NIBAN2: variants seen among roughly 807,000 people sequenced by gnomAD.
The protein encoded by NIBAN2 is niban apoptosis regulator 2.
A neutral mutation model predicts 81.8 loss-of-function variants in NIBAN2; 36 were observed. That is an observed-to-expected ratio of 0.44 (90% CI 0.34 to 0.58). NIBAN2 has a LOEUF of 0.58. Ranked by LOEUF, NIBAN2 falls within the 20% of genes least tolerant of loss-of-function variation. The pLI is 0.02. For missense variants in NIBAN2, 897 were observed against 1,014.1 expected (o/e 0.88, Z 1.57); for synonymous variants, 445 against 441.6 (o/e 1.01, Z -0.10).
chr9:127,531,565 G>C (rs896815975), intron 2 of NIBAN2, 83 bp downstream of exon 2: 4 of 1,385,310 alleles, frequency 2.9e-6, no homozygotes, highest in Non-Finnish European at 2.0e-6. Context: ...GGGAAACTGA[G>C]GCCCAGAAAA....
chr9:127,560,671 T>C lies in NIBAN2; in HGVS notation c.55+8149A>G, dbSNP rs559885376. On this transcript the variant is annotated intron_variant, in intron 1 of 13. Transcript: ENST00000373312. ...GCACACACAGGCAGACACCATGTGA[T>C]TGTGTAGCTGCGTGTCCCTGGTGCC... 9.9e-5 allele frequency among the ~76,000 whole-genome samples: 15 copies of C among 152,258 alleles called. No homozygotes were observed. In the South Asian group the frequency reaches 3.1e-3, roughly 32 times the overall value.
At position 127,568,833 on chromosome 9, in the gene NIBAN2, G is replaced by A. The variant is rs934889308; in HGVS notation, c.42C>T (p.Arg14=). ...CGCGACCCTCACCTGCGATGTGCTG[G>A]CGCCGGGCGTCGTCCAGGTGCGTGG... ...VLSTHLDDAR[R]QHIAEKTGKI... is the part of the protein sequence containing the mutation. Residue 14 remains arginine, a synonymous_variant, in exon 1 of 14, where the codon CGC becomes CGT. Transcript: ENST00000373312. 2 of 1,369,528 alleles carry A rather than the reference G, an allele frequency of 1.5e-6. No homozygotes were observed. Among genetic ancestry groups the A allele is most frequent in the Non-Finnish European group, 1.9e-6 (2 of 1,056,430 alleles). The allele number at this position is 1,369,528 out of a possible 1,614,324, so 84.8% of individuals were successfully genotyped here. A position where few individuals can be genotyped will look rare whatever the true frequency, so the allele number is the denominator to read the frequency against.
intron 1 of NIBAN2, among the ~76,000 whole-genome samples, chr9:127,532,202 G>A (rs1837197179): frequency 6.6e-6 from 1 of 152,178 alleles, no homozygotes; most frequent in African/African-American, 2.4e-5. Context: ...AGAACGATTC[G>A]CAGGACACAA....
At chr9:127,527,551 G>A (rs1422056534) in intron 2 of NIBAN2, among the ~76,000 whole-genome samples, 1 of 152,228 alleles carries the variant, frequency 6.6e-6, no homozygotes, top group Non-Finnish European at 1.5e-5. Flanking sequence ...CCAGCATCCA[G>A]GCAGGGTGGT....
intron 1 of NIBAN2, among the ~76,000 whole-genome samples, chr9:127,539,646 C>T (rs116440382): frequency 1.7e-3 from 264 of 152,296 alleles, no homozygotes; most frequent in African/African-American, 5.5e-3. Context: ...AAAATCTCAA[C>T]GACAATCTAA....
rs1283805150 is a variant in NIBAN2 at position 127,563,457 on chromosome 9, C to G, written c.55+5363G>C. ...AGCCACACAGCAGGGTGAGGGGTGG[C>G]AGAAGGTGGAACCCCTCCATCCCTT... On this transcript the variant is annotated intron_variant, in intron 1 of 13. Coordinates refer to ENST00000373312, the MANE Select transcript of NIBAN2 (RefSeq NM_022833.4). This position sits in a 1 kb window ranked among gnomAD's most constrained non-coding sequence, Gnocchi z 4.1. Among the ~76,000 whole-genome samples, 4 of 152,142 alleles carry G rather than the reference C, an allele frequency of 2.6e-5. No homozygotes were observed. Among genetic ancestry groups the G allele is most frequent in the Non-Finnish European group, 4.4e-5 (3 of 68,036 alleles).
Position 127,525,183 on chromosome 9 carries a change from G to A in NIBAN2, c.316-20C>T, listed in dbSNP as rs1223567296. ...ATAGGCCTGAGGGAGGCAAGAGAGA[G>A]GGTCCCTGAGGGTTAAGGTGCGGCC... On this transcript the variant is annotated intron_variant, in intron 3 of 13. Transcript: ENST00000373312. 1 of 1,595,484 alleles carries A rather than the reference G, an allele frequency of 6.3e-7. No individual in the cohort carries two copies. Among genetic ancestry groups the A allele is most frequent in the East Asian group, 2.2e-5 (1 of 44,800 alleles).
intron 2 of NIBAN2, among the ~76,000 whole-genome samples, chr9:127,528,496 G>A (rs181683151): frequency 1.1e-3 from 165 of 152,180 alleles, no homozygotes; most frequent in African/African-American, 3.9e-3. Flanking sequence ...CTGGCTCTGC[G>A]CTGGCCCATC....
chr9:127,525,176 A>G lies in NIBAN2; in HGVS notation c.316-13T>C. On this transcript the variant is annotated splice_polypyrimidine_tract_variant and intron_variant, in intron 3 of 13. Coordinates refer to ENST00000373312, the MANE Select transcript of NIBAN2 (RefSeq NM_022833.4). The stretch of plus-strand genomic sequence containing the variant: ...GCCGCTCATAGGCCTGAGGGAGGCA[A>G]GAGAGAGGGTCCCTGAGGGTTAAGG... 6.2e-7 allele frequency: 1 copy of G among 1,606,910 alleles called. No individual in the cohort carries two copies. Among genetic ancestry groups the G allele is most frequent in the Non-Finnish European group, 8.5e-7 (1 of 1,173,594 alleles).
rs776632695 is a variant in NIBAN2, at chr9:127,527,235, C to T, written c.274G>A (p.Val92Met). ...AGCACCAGCCCGTAGTTGTGGGGCA[C>T]GAGGCTGAAGCGGTTTCTCCACTTC... is the stretch of plus-strand genomic sequence containing the variant. ...SKKWRNRFSL[V>M]PHNYGLVLYE... Residue 92 changes from valine to methionine, a missense_variant, in exon 3 of 14, where the codon GTG (valine) becomes ATG (methionine). Physicochemically the swap from Val to Met is conservative, Grantham distance 21. Transcript: ENST00000373312. 3.1e-6 allele frequency: 5 copies of T among 1,613,896 alleles called. No homozygotes were observed. Among genetic ancestry groups the T allele is most frequent in the Non-Finnish European group, 4.2e-6 (5 of 1,179,996 alleles).
Position 127,506,085 on chromosome 9 carries a change from G to C in NIBAN2, c.*760C>G, listed in dbSNP as rs1264245212. 1 of 152,722 alleles carries C rather than the reference G, an allele frequency of 6.5e-6. No homozygotes were observed. The highest frequency in any genetic ancestry group is 2.4e-5 in the African/African-American group (1 of 41,382). The allele number at this position is 152,722 out of a possible 1,614,324, so 9.5% of individuals were successfully genotyped here. On this transcript the variant is annotated 3_prime_UTR_variant, in exon 14 of 14. Transcript: ENST00000373312. ...GAGGCAGGCTGGGGCCGGGAGAAGG[G>C]GATACACAGGCCCATAAAACCTCAG...
intron 8 of NIBAN2, among the ~76,000 whole-genome samples, chr9:127,511,981 G>A (rs537023689): frequency 2.0e-5 from 3 of 152,258 alleles, no homozygotes; most frequent in Admixed American, 1.3e-4. Flanking sequence ...GGGAACCTCC[G>A]TACACTGCTG....
At position 127,531,722 on chromosome 9, in the gene NIBAN2, C is replaced by A; in HGVS notation, c.112G>T (p.Val38Leu). 6.2e-7 allele frequency: 1 copy of A among 1,614,206 alleles called. No individual in the cohort carries two copies. The highest frequency in any genetic ancestry group is 1.1e-5 in the South Asian group (1 of 91,090). The change falls in exon 2 of 14, where the codon GTG becomes TTG. Residue 38 changes from valine (V) to leucine (L), a missense_variant. Val to Leu is a conservative substitution (Grantham distance 32). Around this residue, in one of 3 missense-constraint regions of NIBAN2, gnomAD observed 209 missense variants for 208.4 expected, o/e 1.00. Transcript: ENST00000373312. ...FLQFYEDQYG[V>L]ALFNSMRHEI... ...TGGCGCATGCTGTTGAAGAGAGCCACGCCATACTGGTCTTCATAGAACTGG... is the reference window on the plus strand; with the variant it reads ...TGGCGCATGCTGTTGAAGAGAGCCAAGCCATACTGGTCTTCATAGAACTGG...
chr9:127,530,573 A>G lies in NIBAN2; in HGVS notation c.186+1075T>C, dbSNP rs187387063. On this transcript the variant is annotated intron_variant, in intron 2 of 13. Transcript: ENST00000373312. The stretch of plus-strand genomic sequence containing the variant: ...GCTGACCCTCAGGCTGGAGCCAGGC[A>G]GCTTCTAATCTCTCACTCAACAAAT... Among the ~76,000 whole-genome samples the G allele has an allele frequency of 1.6e-3, 238 of 152,260 alleles. 2 individuals are homozygous for G. Among genetic ancestry groups the G allele is most frequent in the African/African-American group, 5.3e-3 (219 of 41,548 alleles).
At chr9:127,543,403 G>A (rs562454405) in intron 1 of NIBAN2, among the ~76,000 whole-genome samples, 1 of 152,260 alleles carries the variant, frequency 6.6e-6, no homozygotes, top group African/African-American at 2.4e-5. Context: ...CTGTCAAGCA[G>A]GGAGCCAAAA....
At chr9:127,547,751 C>T (rs1253045031) in intron 1 of NIBAN2, among the ~76,000 whole-genome samples, 1 of 151,966 alleles carries the variant, frequency 6.6e-6, no homozygotes, top group Non-Finnish European at 1.5e-5. Context: ...GCAGGAGAAT[C>T]GCTTGAACCC....
chr9:127,523,356 A>C (rs907844028), intron 5 of NIBAN2, among the ~76,000 whole-genome samples: 2 of 149,882 alleles, frequency 1.3e-5, no homozygotes, highest in African/African-American at 4.9e-5. Flanking sequence ...AGCCTCCAAG[A>C]GGTAAGTCAG....
At position 127,520,943 on chromosome 9, in the gene NIBAN2, AAAACAC is replaced by A. The variant is rs753395077; in HGVS notation, c.589+2730_589+2735del. Among the ~76,000 whole-genome samples the A allele has an allele frequency of 1.7e-3, 263 of 152,314 alleles. 2 individuals carry two copies. Among genetic ancestry groups the A allele is most frequent in the Admixed American group, 3.1e-3 (48 of 15,298 alleles). On this transcript the variant is annotated intron_variant, in intron 5 of 13. Transcript: ENST00000373312. ...AGTACATTTCTTCTTGAAAGAAGAG[AAAACAC>A]AGGCACACAGAGGCATGACCCTGTG...
intron 1 of NIBAN2, among the ~76,000 whole-genome samples, chr9:127,541,545 G>A (rs532685848): frequency 2.6e-5 from 4 of 152,286 alleles, no homozygotes; most frequent in South Asian, 4.1e-4. Context: ...TGGCCTCCAC[G>A]GGAAGGGCAG....
Sources: gnomAD v4.1 joint callset for allele counts (sites outside exome capture counted in the v4.1 genomes callset) on GRCh38, gnomAD v4.1.1 for gene constraint, gnomAD v4.1.1 regional missense constraint, Gnocchi (gnomAD v3.1) non-coding constraint, MANE v1.5 for transcripts, NCBI Gene and HGNC (gene_info 2026-07-23, HGNC 2026-07-21) for gene names.